CACNB2: variants seen among roughly 807,000 people sequenced by gnomAD.
The protein encoded by CACNB2 is calcium voltage-gated channel auxiliary subunit beta 2.
CACNB2 carries 42 observed loss-of-function variants against 73.3 expected under a neutral mutation model. That is an observed-to-expected ratio of 0.57 (90% confidence interval 0.45 to 0.74). The LOEUF (loss-of-function observed/expected upper bound fraction) is 0.74, where lower values mean the gene tolerates loss of function less well. Among genes scored for constraint, CACNB2 ranks in the 30% least tolerant of loss-of-function variants. The pLI is 0.00. For synonymous variants in CACNB2, 348 were observed against 310.3 expected, an observed-to-expected ratio of 1.12 and a Z score of -1.28; for missense variants, 940 against 853.0, an observed-to-expected ratio of 1.10 and a Z score of -1.27.
intron 2 of CACNB2, chr10:18,261,017 C>A (rs2037511400): frequency 5.0e-6 from 7 of 1,389,886 alleles, no homozygotes; most frequent in Non-Finnish European, 6.5e-6. Context: ...AAATAGGAAA[C>A]CCCCTTGAAG....
rs117282185 is a variant in CACNB2 at position 18,382,005 on chromosome 10, C to T, written c.214-19919C>T. ...AAAGCATAACTTGAGAAGGATTGAA[C>T]TTACATTAGAATGAGACTTTTATGT... On this transcript the variant is annotated intron_variant, in intron 2 of 13. Coordinates refer to ENST00000324631, the MANE Select transcript of CACNB2 (RefSeq NM_201596.3). Among the ~76,000 whole-genome samples, 7 of 152,094 alleles carry T rather than the reference C, an allele frequency of 4.6e-5. No homozygotes were observed. The East Asian group carries it at 1.2e-3, about 25-fold the overall frequency.
intron 3 of CACNB2, among the ~76,000 whole-genome samples, chr10:18,439,640 A>T (rs1328913186): frequency 6.6e-6 from 1 of 152,180 alleles, no homozygotes; most frequent in Non-Finnish European, 1.5e-5. Flanking sequence ...AACCCTTCAT[A>T]TTATCACACT....
rs888911782 is a variant in CACNB2 at position 18,542,451 on chromosome 10, A to G, written c.*2727A>G. 1 of 152,246 alleles carries G rather than the reference A, an allele frequency of 6.6e-6. No homozygotes were observed. The highest frequency in any genetic ancestry group is 2.4e-5 in the African/African-American group (1 of 41,462). The allele number at this position is 152,246 out of a possible 1,614,324, so 9.4% of individuals were successfully genotyped here. A position where few individuals can be genotyped will look rare whatever the true frequency, so the allele number is the denominator to read the frequency against. ...TATTAGTTCAATCCTTTATTATTTC[A>G]TCCCAATTAATGATTTTAGAATATT... On this transcript the variant is annotated 3_prime_UTR_variant, in exon 14 of 14. Transcript: ENST00000324631.
intron 2 of CACNB2, among the ~76,000 whole-genome samples, chr10:18,222,050 T>C (rs2131399144): frequency 6.6e-6 from 1 of 152,312 alleles, no homozygotes; most frequent in Middle Eastern, 3.4e-3. Context: ...GTGATATCAG[T>C]AGTTGCTAAC....
At chr10:18,356,942 C>CTT (rs71402158) in intron 2 of CACNB2, among the ~76,000 whole-genome samples, 2,131 of 100,948 alleles carry the variant, frequency 0.021, 92 homozygotes, top group South Asian at 0.046. Context: ...GACTCAATTT[C>CTT]TTTTTTTTTT....
intron 3 of CACNB2, among the ~76,000 whole-genome samples, chr10:18,477,301 G>A (rs780149947): frequency 7.2e-5 from 11 of 152,234 alleles, no homozygotes; most frequent in Middle Eastern, 3.4e-3. Context: ...CTTCTTTACT[G>A]CATCTTGTTT....
chr10:18,321,065 G>C (rs1272346616), intron 2 of CACNB2, among the ~76,000 whole-genome samples: 1 of 152,186 alleles, frequency 6.6e-6, no homozygotes, highest in Non-Finnish European at 1.5e-5. Context: ...TATTTCTGAA[G>C]TGCAGTCCAG....
At chr10:18,438,007 T>A (rs2046224922) in intron 3 of CACNB2, among the ~76,000 whole-genome samples, 3 of 37,280 alleles carry the variant, frequency 8.0e-5, no homozygotes, top group Admixed American at 5.0e-4. Context: ...GTTGGATTTT[T>A]TTTTTTTTTT....
At chr10:18,177,469 A>C (rs1453515196) in intron 2 of CACNB2, among the ~76,000 whole-genome samples, 3 of 150,836 alleles carry the variant, frequency 2.0e-5, no homozygotes, top group Admixed American at 6.6e-5. Context: ...AAAATGCAAA[A>C]AAAAAAAAAA....
intron 3 of CACNB2, among the ~76,000 whole-genome samples, chr10:18,435,685 G>A (rs1264612793): frequency 1.3e-5 from 2 of 151,606 alleles, no homozygotes; most frequent in Admixed American, 6.6e-5. Context: ...TTTTTTGTAG[G>A]GATGGGGTTT....
rs368836540 is a variant in CACNB2, at chr10:18,174,226, C to T, written c.213+23251C>T. Among the ~76,000 whole-genome samples the T allele has an allele frequency of 3.6e-5, 5 of 140,112 alleles. No individual in the cohort carries two copies. In the East Asian group the frequency reaches 1.1e-3, roughly 31 times the overall value. The allele number at this position is 140,112 out of a possible 152,430, so 91.9% of individuals were successfully genotyped here. On this transcript the variant is annotated intron_variant, in intron 2 of 13. Coordinates refer to ENST00000324631, the MANE Select transcript of CACNB2 (RefSeq NM_201596.3). ...CTTCTTTCCCTTCCTTTCTCCTTCC[C>T]CTTCCCCTTCCTTCTCCCCTCCCCT...
At chr10:18,497,484 A>T (rs1406640574) in intron 3 of CACNB2, among the ~76,000 whole-genome samples, 1 of 152,092 alleles carries the variant, frequency 6.6e-6, no homozygotes, top group Non-Finnish European at 1.5e-5. Context: ...CAGTCGCGTG[A>T]TCATGGCTCA....
At chr10:18,273,757 C>A (rs1215764926) in intron 2 of CACNB2, among the ~76,000 whole-genome samples, 2 of 152,142 alleles carry the variant, frequency 1.3e-5, no homozygotes, top group Admixed American at 6.5e-5. Flanking sequence ...TAAGTATTGG[C>A]AACTTACTGA....
At chr10:18,337,092 TG>T (rs2041035996) in intron 2 of CACNB2, among the ~76,000 whole-genome samples, 1 of 152,162 alleles carries the variant, frequency 6.6e-6, no homozygotes, top group African/African-American at 2.4e-5. Context: ...TTTTTTCTTT[TG>T]CTTTTTGCTT....
rs747733907 is a variant in CACNB2 at position 18,539,316 on chromosome 10, C to G, written c.1575C>G (p.Val525=). Residue 525 remains valine, a synonymous_variant, in exon 14 of 14, where the codon GTC becomes GTG. Coordinates refer to ENST00000324631, the MANE Select transcript of CACNB2 (RefSeq NM_201596.3). ...AAGAAGAACCTAGTGTGGAACCAGT[C>G]AAGAAATCCCAGCACCGCTCTTCCT... ...QAEEEPSVEP[V]KKSQHRSSSS... is the part of the protein sequence containing the mutation. 3 of 1,614,082 alleles carry G rather than the reference C, an allele frequency of 1.9e-6. No homozygotes were observed. The African/African-American group carries it at 4.0e-5, about 22-fold the overall frequency.
intron 2 of CACNB2, among the ~76,000 whole-genome samples, chr10:18,321,404 A>G (rs1326442595): frequency 6.6e-6 from 1 of 152,232 alleles, no homozygotes; most frequent in Non-Finnish European, 1.5e-5. Context: ...CAGAAGTATG[A>G]CAAATTAGTG....
intron 1 of CACNB2, among the ~76,000 whole-genome samples, chr10:18,141,606 T>C (rs1270164521): frequency 6.6e-6 from 1 of 152,260 alleles, no homozygotes; most frequent in African/African-American, 2.4e-5. Context: ...AAAAGTCAGC[T>C]TCGCTGCAGG....
chr10:18,323,399 A>G (rs2040467165), intron 2 of CACNB2, among the ~76,000 whole-genome samples: 1 of 148,392 alleles, frequency 6.7e-6, no homozygotes, highest in Non-Finnish European at 1.5e-5. Context: ...GTTTTTTTTT[A>G]CTGAATATTA....
intron 2 of CACNB2, among the ~76,000 whole-genome samples, chr10:18,361,868 C>T (rs1468995699): frequency 2.0e-5 from 3 of 152,146 alleles, no homozygotes; most frequent in African/African-American, 7.2e-5. Flanking sequence ...CCGCCTCTAC[C>T]TCCCAAAGTG....
Sources: gnomAD v4.1 joint callset for allele counts (sites outside exome capture counted in the v4.1 genomes callset) on GRCh38, gnomAD v4.1.1 for gene constraint, MANE v1.5 for transcripts, NCBI Gene and HGNC (gene_info 2026-07-23, HGNC 2026-07-21) for gene names.